ZSWIM6: variants seen among roughly 807,000 people sequenced by gnomAD.
ZSWIM6 encodes the protein zinc finger SWIM domain-containing protein 6.
In ZSWIM6, 9 loss-of-function variants were observed where a neutral mutation model predicts 113.2. The observed-to-expected ratio is 0.08, with a 90% confidence interval of 0.05 to 0.14. The LOEUF is 0.14. Among genes scored for constraint, ZSWIM6 ranks in the 10% least tolerant of loss-of-function variants. The pLI is 1.00. For missense variants in ZSWIM6, 1,162 were observed against 1,552.2 expected, an observed-to-expected ratio of 0.75 and a Z score of 4.22; for synonymous variants, 611 against 606.5, an observed-to-expected ratio of 1.01 and a Z score of -0.11.
At chr5:61,368,622 G>T (rs1452866647) in intron 1 of ZSWIM6, among the ~76,000 whole-genome samples, 1 of 152,168 alleles carries the variant, frequency 6.6e-6, no homozygotes, top group Non-Finnish European at 1.5e-5. Context: ...TTATCAGTTT[G>T]CCTTTTGGGT....
At chr5:61,481,989 A>G (rs1485225418) in intron 2 of ZSWIM6, among the ~76,000 whole-genome samples, 2 of 152,218 alleles carry the variant, frequency 1.3e-5, no homozygotes, top group Admixed American at 6.5e-5. Flanking sequence ...TTAATGGACC[A>G]TTTAATTTAC....
chr5:61,519,420 GC>G (rs1402382783), intron 4 of ZSWIM6, among the ~76,000 whole-genome samples: 2 of 151,988 alleles, frequency 1.3e-5, no homozygotes, highest in Non-Finnish European at 2.9e-5. Context: ...TTATTTCAAT[GC>G]TAGGAGAAAA....
intron 1 of ZSWIM6, among the ~76,000 whole-genome samples, chr5:61,420,589 A>T (rs1445888192): frequency 5.3e-5 from 8 of 151,784 alleles, no homozygotes. Context: ...GCTGCCGGGG[A>T]GTGGTGGTAG....
At chr5:61,429,680 C>T (rs374592389) in intron 1 of ZSWIM6, among the ~76,000 whole-genome samples, 16 of 152,112 alleles carry the variant, frequency 1.1e-4, no homozygotes, top group African/African-American at 3.9e-4. Flanking sequence ...GACTTGAGAG[C>T]CGTCCTGTGT....
intron 2 of ZSWIM6, among the ~76,000 whole-genome samples, chr5:61,479,371 A>T (rs909044658): frequency 6.6e-6 from 1 of 152,050 alleles, no homozygotes; most frequent in African/African-American, 2.4e-5. Flanking sequence ...TTTGTTGGGG[A>T]ATGCAAAAAC....
chr5:61,536,737 A>G (rs921200780), intron 10 of ZSWIM6, among the ~76,000 whole-genome samples: 1 of 152,144 alleles, frequency 6.6e-6, no homozygotes, highest in African/African-American at 2.4e-5. Context: ...GTGTATACCT[A>G]TGTGTCAGTG....
intron 1 of ZSWIM6, among the ~76,000 whole-genome samples, chr5:61,349,125 T>C (rs888763058): frequency 6.6e-6 from 1 of 152,310 alleles, no homozygotes; most frequent in South Asian, 2.1e-4. Flanking sequence ...GTAAAAATAC[T>C]CTACCATACA....
At chr5:61,470,694 G>GA (rs957160300) in intron 1 of ZSWIM6, among the ~76,000 whole-genome samples, 6 of 150,704 alleles carry the variant, frequency 4.0e-5, no homozygotes, top group East Asian at 3.9e-4. Flanking sequence ...GAATATTTGT[G>GA]AAAAAAAAAC....
chr5:61,389,405 A>G (rs1007032990), intron 1 of ZSWIM6, among the ~76,000 whole-genome samples: 2 of 151,568 alleles, frequency 1.3e-5, no homozygotes, highest in Non-Finnish European at 2.9e-5. Flanking sequence ...AATACAAAAA[A>G]TTAGCTGGGC....
chr5:61,383,929 T>C (rs978615922), intron 1 of ZSWIM6, among the ~76,000 whole-genome samples: 15 of 151,864 alleles, frequency 9.9e-5, no homozygotes, highest in Non-Finnish European at 8.8e-5. Context: ...AAAAAACTTA[T>C]GCTAACATCA....
At chr5:61,372,380 C>G (rs901497719) in intron 1 of ZSWIM6, among the ~76,000 whole-genome samples, 2 of 152,062 alleles carry the variant, frequency 1.3e-5, no homozygotes. Context: ...TGGTCTGCCC[C>G]AGCACTCCAC....
intron 1 of ZSWIM6, among the ~76,000 whole-genome samples, chr5:61,407,831 G>C (rs1746073664): frequency 6.6e-6 from 1 of 152,188 alleles, no homozygotes; most frequent in Admixed American, 6.5e-5. Context: ...GCTTGAGAGA[G>C]AGCCTCTTAT....
chr5:61,458,233 G>C (rs1747246608), intron 1 of ZSWIM6, among the ~76,000 whole-genome samples: 1 of 152,146 alleles, frequency 6.6e-6, no homozygotes. Flanking sequence ...ATCCTCAAAA[G>C]TATTTATTAT....
intron 1 of ZSWIM6, among the ~76,000 whole-genome samples, chr5:61,373,170 C>T (rs1745302002): frequency 1.3e-5 from 2 of 151,678 alleles, no homozygotes; most frequent in Admixed American, 1.3e-4. Flanking sequence ...TGGTTTTGAA[C>T]TCCTGGGCCC....
chr5:61,405,688 A>G (rs917123704), intron 1 of ZSWIM6, among the ~76,000 whole-genome samples: 5 of 152,206 alleles, frequency 3.3e-5, no homozygotes, highest in Non-Finnish European at 7.3e-5. Context: ...TAGGCTCTGT[A>G]AAACACAAGA....
At chr5:61,536,564 A>C (rs1749578896) in intron 10 of ZSWIM6, among the ~76,000 whole-genome samples, 1 of 152,236 alleles carries the variant, frequency 6.6e-6, no homozygotes, top group Non-Finnish European at 1.5e-5. Context: ...TTTTCATCAA[A>C]GATTCTATGT....
At position 61,365,034 on chromosome 5, in the gene ZSWIM6, A is replaced by G. The variant is rs79434999; in HGVS notation, c.676+32086A>G. Among the ~76,000 whole-genome samples the G allele has an allele frequency of 3.3e-3, 495 of 152,258 alleles. 1 individual carries two copies. The highest frequency in any genetic ancestry group is 5.4e-3 in the Admixed American group (82 of 15,284). ...AAAGTTTGCTGACCCCTGCCCTATT[A>G]TGGTTCATAGCCTTTTTGAAATGTG... is the stretch of plus-strand genomic sequence containing the variant. On this transcript the variant is annotated intron_variant, in intron 1 of 13. Coordinates refer to ENST00000252744, the MANE Select transcript of ZSWIM6 (RefSeq NM_020928.2).
At chr5:61,458,235 A>G (rs1036823500) in intron 1 of ZSWIM6, among the ~76,000 whole-genome samples, 24 of 152,296 alleles carry the variant, frequency 1.6e-4, no homozygotes, top group African/African-American at 5.3e-4. Context: ...CCTCAAAAGT[A>G]TTTATTATAA....
intron 4 of ZSWIM6, among the ~76,000 whole-genome samples, chr5:61,510,645 GA>G (rs1330971935): frequency 6.6e-6 from 1 of 152,088 alleles, no homozygotes; most frequent in Non-Finnish European, 1.5e-5. Flanking sequence ...CTGGATGTTA[GA>G]GAAAAGCTAG....
Sources: allele counts gnomAD v4.1 joint callset (sites outside exome capture counted in the v4.1 genomes callset), GRCh38; gene constraint gnomAD v4.1.1; transcripts MANE v1.5; gene names NCBI Gene and HGNC (gene_info 2026-07-23, HGNC 2026-07-21).